The following DLEC1 variants were observed in gnomAD, a reference collection of about 807,000 sequenced individuals.
DLEC1 encodes deleted in lung and esophageal cancer protein 1.
DLEC1 carries 146 observed loss-of-function variants against 198.1 expected under a neutral mutation model. The observed-to-expected ratio is 0.74, with a 90% CI of 0.64 to 0.85. The LOEUF (loss-of-function observed/expected upper bound fraction) is 0.85. DLEC1 is among the 40% of genes least tolerant of loss of function. The probability of loss-of-function intolerance (pLI) is 0.00; values close to 1 mark genes in which losing one functional copy is unlikely to be tolerated. For missense variants in DLEC1, 2,233 were observed against 2,220.0 expected (o/e 1.01, Z -0.12); for synonymous variants, 897 against 866.8 (o/e 1.03, Z -0.61).
At chr3:38,064,576 G>C (rs1346295061) in intron 6 of DLEC1, among the ~76,000 whole-genome samples, 1 of 151,840 alleles carries the variant, frequency 6.6e-6, no homozygotes, top group Non-Finnish European at 1.5e-5. Flanking sequence ...TCACTTCCCG[G>C]ACGGGGCGGC....
chr3:38,102,081 C>T (rs1699335664), intron 19 of DLEC1, among the ~76,000 whole-genome samples: 1 of 152,134 alleles, frequency 6.6e-6, no homozygotes, highest in Non-Finnish European at 1.5e-5. Context: ...TGGTCTTCTG[C>T]TTCCTCTCTT....
At chr3:38,114,209 C>T (rs1700032366) in intron 25 of DLEC1, 133 bp from the exon 26 acceptor site, 1 of 688,956 alleles carries the variant, frequency 1.5e-6, no homozygotes, top group Non-Finnish European at 2.5e-6. Context: ...GGAGAGAAGA[C>T]AGAGTGGTAC....
intron 7 of DLEC1, among the ~76,000 whole-genome samples, chr3:38,084,514 T>C (rs1349766316): frequency 2.2e-5 from 3 of 134,246 alleles, no homozygotes; most frequent in Non-Finnish European, 4.9e-5. Flanking sequence ...GTAGTAGTAG[T>C]AGTGGTAGTA....
At chr3:38,084,290 AGTG>A (rs777786444) in intron 7 of DLEC1, 45 bp downstream of exon 7, 280 of 1,546,056 alleles carry the variant, frequency 1.8e-4, no homozygotes, top group Non-Finnish European at 2.4e-4. Flanking sequence ...TGGTAATAGT[AGTG>A]GTGGTATTAG....
rs34303129 is a variant in DLEC1 at position 38,097,948 on chromosome 3, C to G, written c.2724+46C>G. 3.9e-3 allele frequency: 6,339 copies of G among 1,610,598 alleles called. 14 individuals carry two copies. Among genetic ancestry groups the G allele is most frequent in the Non-Finnish European group, 4.8e-3 (5,689 of 1,177,886 alleles). ...TCCTCTGGTGCCCCCACAATGAGCC[C>G]GTTTAGCTTGCCCTGGTGAAACTTG... On this transcript the variant is annotated intron_variant, in intron 18 of 36. Coordinates refer to ENST00000308059, the MANE Select transcript of DLEC1 (RefSeq NM_007335.4).
chr3:38,113,064 C>T (rs1265852741), intron 25 of DLEC1, among the ~76,000 whole-genome samples: 1 of 152,148 alleles, frequency 6.6e-6, no homozygotes, highest in Non-Finnish European at 1.5e-5. Context: ...TCTTAAGTAA[C>T]AGGAAGCTGG....
chr3:38,066,366 A>G (rs1257909287), intron 6 of DLEC1, among the ~76,000 whole-genome samples: 1 of 152,202 alleles, frequency 6.6e-6, no homozygotes, highest in East Asian at 1.9e-4. Flanking sequence ...CTTTCCCTCT[A>G]ACTTTGATTC....
chr3:38,073,453 G>A (rs1204244963), intron 6 of DLEC1, among the ~76,000 whole-genome samples: 1 of 152,108 alleles, frequency 6.6e-6, no homozygotes. Flanking sequence ...TTAATGGGAT[G>A]GTAATAGGCA....
At position 38,116,687 on chromosome 3, in the gene DLEC1, C is replaced by T. The variant is rs748484793; in HGVS notation, c.4062+29C>T. On this transcript the variant is annotated intron_variant, in intron 28 of 36. Transcript: ENST00000308059. ...AGCAGGGGTGGAGGGGCGGGGCAGG[C>T]TGGCCACTGAGGGCCACTGAGGTGT... 5 of 1,612,352 alleles carry T rather than the reference C, an allele frequency of 3.1e-6. No homozygotes were observed. The African/African-American group carries it at 5.3e-5, about 17-fold the overall frequency.
At chr3:38,086,483 G>A (rs143515179) in intron 9 of DLEC1, 106 bp downstream of exon 9, 16 of 1,430,624 alleles carry the variant, frequency 1.1e-5, no homozygotes, top group Middle Eastern at 1.9e-4. Flanking sequence ...CACACAGAAC[G>A]CAGAGTGTTG....
At position 38,110,158 on chromosome 3, in the gene DLEC1, C is replaced by G; in HGVS notation, c.3320C>G (p.Pro1107Arg). 6.2e-7 allele frequency: 1 copy of G among 1,614,208 alleles called. No individual in the cohort carries two copies. Among genetic ancestry groups the G allele is most frequent in the South Asian group, 1.1e-5 (1 of 91,082 alleles). Residue 1107 changes from proline to arginine, a missense_variant, in exon 23 of 37, where the codon CCA becomes CGA. By Grantham distance (103) the Pro-to-Arg change is moderately radical. Transcript: ENST00000308059. ...CGCCTGGACTTTGGCTCAGCGGTGCCACTGAGGACCCGTGTGACTCGCCAG... is the reference window on the plus strand; with the variant it reads ...CGCCTGGACTTTGGCTCAGCGGTGCGACTGAGGACCCGTGTGACTCGCCAG... ...ELRLDFGSAV[P>R]LRTRVTRQLI...
chr3:38,078,469 A>G (rs560466427), intron 6 of DLEC1, among the ~76,000 whole-genome samples: 77 of 152,194 alleles, frequency 5.1e-4, no homozygotes, highest in Non-Finnish European at 9.1e-4. Context: ...TGCACTAACC[A>G]TGCCTAGGAA....
intron 6 of DLEC1, among the ~76,000 whole-genome samples, chr3:38,068,647 GA>G (rs1697158732): frequency 6.6e-6 from 1 of 152,226 alleles, no homozygotes; most frequent in African/African-American, 2.4e-5. Context: ...CAGATTAGAA[GA>G]GGCCAGAAAG....
Position 38,120,599 on chromosome 3 carries a change from A to C in DLEC1, c.4856A>C (p.Gln1619Pro), listed in dbSNP as rs1700398773. ...AACCTGCTCCTGGAGTACACCAACC[A>C]GACCACTCAGGCACGCCCCAGGCCC... ...TQNLLLEYTN[Q>P]TTQVVPLRAV... is the part of the protein sequence containing the mutation. The change falls in exon 34 of 37, where the codon CAG becomes CCG. Residue 1619 changes from glutamine to proline, a missense_variant. Coordinates refer to ENST00000308059, the MANE Select transcript of DLEC1 (RefSeq NM_007335.4). The C allele has an allele frequency of 6.2e-7, 1 of 1,613,206 alleles. No homozygotes were observed. Among genetic ancestry groups the C allele is most frequent in the Non-Finnish European group, 8.5e-7 (1 of 1,180,020 alleles).
intron 31 of DLEC1, 46 bp from the exon 32 acceptor site, chr3:38,117,481 G>A (rs747299422): frequency 1.7e-5 from 27 of 1,612,520 alleles, no homozygotes; most frequent in Non-Finnish European, 2.3e-5. Context: ...GCAGCCAGAA[G>A]GCCCCAGGCG....
intron 35 of DLEC1, 60 bp from the exon 36 acceptor site, chr3:38,122,011 T>G: frequency 6.3e-7 from 1 of 1,597,116 alleles, no homozygotes; most frequent in Non-Finnish European, 8.6e-7. Context: ...GGGTAAAGTC[T>G]TCCTGTGGGA....
intron 2 of DLEC1, among the ~76,000 whole-genome samples, chr3:38,053,329 C>T: frequency 6.6e-6 from 1 of 151,732 alleles, no homozygotes; most frequent in South Asian, 2.1e-4. Flanking sequence ...GGCCGCCATC[C>T]CATCTAGGAA....
chr3:38,094,242 C>T (rs545226582), intron 12 of DLEC1, among the ~76,000 whole-genome samples: 20 of 152,280 alleles, frequency 1.3e-4, no homozygotes, highest in African/African-American at 4.3e-4. Flanking sequence ...TTTCCTGACC[C>T]GCCTCTGAGC....
chr3:38,121,581 G>A (rs1190683723), intron 34 of DLEC1, 47 bp from the exon 35 acceptor site: 10 of 1,586,510 alleles, frequency 6.3e-6, no homozygotes, highest in Non-Finnish European at 8.6e-6. Context: ...CAGAGGCCCT[G>A]GCTCAGAGCC....
Sources: allele counts gnomAD v4.1 joint callset (sites outside exome capture counted in the v4.1 genomes callset), GRCh38; gene constraint gnomAD v4.1.1; transcripts MANE v1.5; gene names NCBI Gene and HGNC (gene_info 2026-07-23, HGNC 2026-07-21).